Variants in CRTAC1 observed in about 807,000 individuals in gnomAD.
CRTAC1 encodes acidic secreted protein in cartilage.
A neutral mutation model predicts 67.8 loss-of-function variants in CRTAC1; 37 were observed. The ratio of observed to expected loss-of-function variants is 0.55; its 90% CI spans 0.42 to 0.72. CRTAC1 has a LOEUF of 0.72. CRTAC1 is among the 30% of genes least tolerant of loss of function. The pLI is 0.00. For synonymous variants in CRTAC1, 348 were observed against 371.0 expected, an observed-to-expected ratio of 0.94 and a Z score of 0.71; for missense variants, 780 against 931.6, an observed-to-expected ratio of 0.84 and a Z score of 2.12.
At chr10:97,891,818 C>T (rs2050378724) in intron 11 of CRTAC1, among the ~76,000 whole-genome samples, 1 of 152,244 alleles carries the variant, frequency 6.6e-6, no homozygotes, top group Non-Finnish European at 1.5e-5. Flanking sequence ...TCCAGAGGGG[C>T]CTTGGAGCTG....
In CRTAC1 at chr10:97,895,253, A is replaced by C. The variant is rs1174852820; in HGVS notation, c.1478T>G (p.Phe493Cys). Residue 493 changes from phenylalanine to cysteine, a missense_variant, in exon 11 of 15, where the codon TTT becomes TGT. By Grantham distance (205) the Phe-to-Cys change is radical. Coordinates refer to ENST00000370597, the MANE Select transcript of CRTAC1 (RefSeq NM_018058.7). This position sits in a 1 kb window ranked among gnomAD's most constrained non-coding sequence, Gnocchi z 4.2. ...ACCGGACCCCGACTCACCCAGGCCAAAGTGTGCCACGGGCTCCATCTCACA... is the reference window on the plus strand; with the variant it reads ...ACCGGACCCCGACTCACCCAGGCCACAGTGTGCCACGGGCTCCATCTCACA... ...YLCEMEPVAH[F>C]GLGKDEASSV... 1 of 1,611,136 alleles carries C rather than the reference A, an allele frequency of 6.2e-7. No individual in the cohort carries two copies. Among genetic ancestry groups the C allele is most frequent in the Non-Finnish European group, 8.5e-7 (1 of 1,179,956 alleles).
chr10:97,913,708 T>C (rs1288669088), intron 5 of CRTAC1, among the ~76,000 whole-genome samples: 1 of 152,078 alleles, frequency 6.6e-6, no homozygotes, highest in East Asian at 1.9e-4. Flanking sequence ...TTCCTGGGGG[T>C]CCCGGGCCCT....
intron 2 of CRTAC1, among the ~76,000 whole-genome samples, chr10:97,995,833 G>A (rs1261333314): frequency 1.3e-5 from 2 of 152,092 alleles, no homozygotes; most frequent in Non-Finnish European, 1.5e-5. Context: ...AGGACCCCTC[G>A]GCCCTAGAGG....
chr10:98,017,838 T>C (rs1331128917), intron 1 of CRTAC1, among the ~76,000 whole-genome samples: 1 of 151,918 alleles, frequency 6.6e-6, no homozygotes, highest in Non-Finnish European at 1.5e-5. Flanking sequence ...TATCTGCTAA[T>C]AATTTCTTAA....
Position 97,906,067 on chromosome 10 carries a change from G to A in CRTAC1, c.851-1253C>T, listed in dbSNP as rs553047951. 1.5e-3 allele frequency among the ~76,000 whole-genome samples: 232 copies of A among 152,296 alleles called. 1 individual carries two copies. Among genetic ancestry groups the A allele is most frequent in the African/African-American group, 5.3e-3 (221 of 41,560 alleles). ...CACAGGACAATGTAATAGGCAGTGGGGATCAGAGACCCCAGGACACAGGGA... is the reference window on the plus strand; with the variant it reads ...CACAGGACAATGTAATAGGCAGTGGAGATCAGAGACCCCAGGACACAGGGA... On this transcript the variant is annotated intron_variant, in intron 6 of 14. Coordinates refer to ENST00000370597, the MANE Select transcript of CRTAC1 (RefSeq NM_018058.7).
intron 2 of CRTAC1, among the ~76,000 whole-genome samples, chr10:97,941,723 C>T (rs961495033): frequency 6.6e-6 from 1 of 152,340 alleles, no homozygotes; most frequent in African/African-American, 2.4e-5. Flanking sequence ...CCTCCACTGC[C>T]ACCATCTCTG....
intron 14 of CRTAC1, among the ~76,000 whole-genome samples, chr10:97,877,109 C>T (rs2050157283): frequency 1.3e-5 from 2 of 152,040 alleles, no homozygotes; most frequent in African/African-American, 4.8e-5. Flanking sequence ...TATCACATTC[C>T]TCATGGGAGG....
chr10:97,883,373 G>A (rs561315556), intron 12 of CRTAC1, among the ~76,000 whole-genome samples: 6 of 152,346 alleles, frequency 3.9e-5, no homozygotes, highest in Non-Finnish European at 5.9e-5. Flanking sequence ...GTTGGGAGCC[G>A]GCCCTGCCAG....
chr10:98,015,545 C>A (rs144217612), intron 1 of CRTAC1, among the ~76,000 whole-genome samples: 43 of 152,228 alleles, frequency 2.8e-4, no homozygotes, highest in Non-Finnish European at 2.9e-5. Context: ...AATACTAATG[C>A]CTGGGTCTCA....
chr10:98,019,588 C>G (rs1176680663), intron 1 of CRTAC1, among the ~76,000 whole-genome samples: 5 of 152,194 alleles, frequency 3.3e-5, no homozygotes. Flanking sequence ...GGGCCTCCGT[C>G]TTTACTCTGC....
At chr10:98,004,781 G>C (rs952864501) in intron 2 of CRTAC1, among the ~76,000 whole-genome samples, 26 of 151,888 alleles carry the variant, frequency 1.7e-4, no homozygotes, top group African/African-American at 6.3e-4. Flanking sequence ...GGAACAATAT[G>C]TATCAGTGTG....
In CRTAC1 at chr10:97,922,827, C is replaced by T. The variant is rs191886854; in HGVS notation, c.558+437G>A. ...CCCTCCATTGTGCCTTCATTTATTC[C>T]GTAAATATTTATGAAGGGCCCCACG... On this transcript the variant is annotated intron_variant, in intron 4 of 14. Coordinates refer to ENST00000370597, the MANE Select transcript of CRTAC1 (RefSeq NM_018058.7). 1.4e-3 allele frequency among the ~76,000 whole-genome samples: 218 copies of T among 152,308 alleles called. 1 individual carries two copies. Among genetic ancestry groups the T allele is most frequent in the African/African-American group, 4.9e-3 (204 of 41,572 alleles).
chr10:97,967,779 T>C (rs2051643019), intron 2 of CRTAC1, among the ~76,000 whole-genome samples: 1 of 152,188 alleles, frequency 6.6e-6, no homozygotes, highest in African/African-American at 2.4e-5. Flanking sequence ...ATTAAGCAGA[T>C]TGGGAAGAAA....
chr10:97,996,422 A>G (rs1296656602), intron 2 of CRTAC1, among the ~76,000 whole-genome samples: 62 of 149,720 alleles, frequency 4.1e-4, no homozygotes, highest in South Asian at 1.9e-3. Context: ...AAGTGGGCAA[A>G]GGACGTGAAC....
chr10:97,915,601 C>A (rs1410308422), intron 5 of CRTAC1, among the ~76,000 whole-genome samples: 1 of 152,034 alleles, frequency 6.6e-6, no homozygotes, highest in Admixed American at 6.5e-5. Context: ...GCGGCCCTTA[C>A]ATTTGGGGTC....
intron 2 of CRTAC1, among the ~76,000 whole-genome samples, chr10:97,942,514 G>A (rs1208105268): frequency 6.6e-6 from 1 of 152,142 alleles, no homozygotes; most frequent in East Asian, 1.9e-4. Flanking sequence ...TAGTTATGGA[G>A]GATCGACTTC....
chr10:97,874,335 A>G (rs1273372587), intron 14 of CRTAC1, among the ~76,000 whole-genome samples: 1 of 152,204 alleles, frequency 6.6e-6, no homozygotes, highest in East Asian at 1.9e-4. Flanking sequence ...TCTGCTCTGT[A>G]TGGCCCAGTC....
intron 11 of CRTAC1, among the ~76,000 whole-genome samples, chr10:97,890,806 TA>T (rs1181470977): frequency 6.6e-6 from 1 of 152,150 alleles, no homozygotes; most frequent in African/African-American, 2.4e-5. Context: ...TAGCTGGGAT[TA>T]CAGGCATGCA....
chr10:97,918,474 C>T (rs980289190), intron 4 of CRTAC1, among the ~76,000 whole-genome samples: 4 of 152,228 alleles, frequency 2.6e-5, no homozygotes, highest in Admixed American at 6.5e-5. Flanking sequence ...AATCAGTTTT[C>T]TGGCTTTTCT....
Sources: gnomAD v4.1 joint callset for allele counts (sites outside exome capture counted in the v4.1 genomes callset) on GRCh38, gnomAD v4.1.1 for gene constraint, Gnocchi (gnomAD v3.1) non-coding constraint, MANE v1.5 for transcripts, NCBI Gene and HGNC (gene_info 2026-07-23, HGNC 2026-07-21) for gene names.